Variants in RHBDL3 observed in about 807,000 individuals in gnomAD.
RHBDL3 encodes rhomboid-related protein 3.
In RHBDL3, 28 loss-of-function variants were observed where a neutral mutation model predicts 48.2. The observed-to-expected ratio is 0.58, with a 90% CI of 0.43 to 0.80. RHBDL3 has a LOEUF of 0.80. Among genes scored for constraint, RHBDL3 ranks in the 30% least tolerant of loss-of-function variants. RHBDL3 has a pLI of 0.00. For missense variants in RHBDL3, 464 were observed against 542.7 expected, an observed-to-expected ratio of 0.85 and a Z score of 1.44; for synonymous variants, 208 against 232.3, an observed-to-expected ratio of 0.90 and a Z score of 0.95.
Position 32,288,948 on chromosome 17 carries a change from A to T in RHBDL3, c.451A>T (p.Lys151Ter), listed in dbSNP as rs545383274. ...GACCCTGCCCCGGGAAATTGACCGC[A>T]AGTGGTACTATGACAGCTACACCTG... ...YETLPREIDRKWYYDSYTCCP... is the reference protein window; with the variant it reads ...YETLPREIDR Residue 151 changes from lysine (K) to a stop codon, truncating the protein, a stop_gained, in exon 4 of 9, where the codon AAG becomes TAG. Coordinates refer to ENST00000269051, the MANE Select transcript of RHBDL3 (RefSeq NM_138328.3). LOFTEE classifies it high-confidence loss of function. 6.2e-7 allele frequency: 1 copy of T among 1,614,202 alleles called. No homozygotes were observed. The highest frequency in any genetic ancestry group is 2.2e-5 in the East Asian group (1 of 44,874).
At chr17:32,283,965 C>G (rs4794912) in intron 2 of RHBDL3, among the ~76,000 whole-genome samples, 11,134 of 152,182 alleles carry the variant, frequency 0.073, 472 homozygotes, top group African/African-American at 0.11. Context: ...TCCAGGGAGA[C>G]GGAGGAAGAA....
chr17:32,271,553 G>A (rs2039775898), intron 2 of RHBDL3, among the ~76,000 whole-genome samples: 1 of 152,212 alleles, frequency 6.6e-6, no homozygotes, highest in Admixed American at 6.5e-5. Flanking sequence ...GCGGGGCAGT[G>A]ACAGATATGG....
intron 7 of RHBDL3, among the ~76,000 whole-genome samples, chr17:32,311,390 C>T (rs987301478): frequency 3.3e-5 from 5 of 152,074 alleles, no homozygotes; most frequent in African/African-American, 1.2e-4. Context: ...TCTAGTTTAA[C>T]CCCTCGGCTG....
At position 32,321,274 on chromosome 17, in the gene RHBDL3, C is replaced by G; in HGVS notation, c.*45C>G. ...GGGGAGGGGAGGGAAAAGCAGCACC[C>G]ACAGGGAGCGCCTGCGAGGTTTCTT... On this transcript the variant is annotated 3_prime_UTR_variant, in exon 9 of 9. Transcript: ENST00000269051. 6.2e-7 allele frequency: 1 copy of G among 1,612,758 alleles called. No homozygotes were observed. Among genetic ancestry groups the G allele is most frequent in the Non-Finnish European group, 8.5e-7 (1 of 1,179,812 alleles).
chr17:32,284,797 T>C lies in RHBDL3; in HGVS notation c.274T>C (p.Tyr92His), dbSNP rs2040155096. The stretch of plus-strand genomic sequence containing the variant: ...CAGCCACGCGGATGGGCAGATCGGC[T>C]ACCAGGATTTTGTCAGCCTAGTGAG... ...ADSHADGQIG[Y>H]QDFVSLMSNK... Residue 92 changes from tyrosine (Y) to histidine (H), a missense_variant, in exon 3 of 9, where the codon TAC becomes CAC. Coordinates refer to ENST00000269051, the MANE Select transcript of RHBDL3 (RefSeq NM_138328.3). 1 of 1,613,800 alleles carries C rather than the reference T, an allele frequency of 6.2e-7. No individual in the cohort carries two copies. The highest frequency in any genetic ancestry group is 1.3e-5 in the African/African-American group (1 of 74,934).
rs567245007 is a variant in RHBDL3 at position 32,284,253 on chromosome 17, C to A, written c.136-406C>A. 230 of 160,810 alleles carry A rather than the reference C, an allele frequency of 1.4e-3. 1 individual carries two copies. Among genetic ancestry groups the A allele is most frequent in the African/African-American group, 5.2e-3 (219 of 41,760 alleles). The allele number at this position is 160,810 out of a possible 1,614,324, so 10.0% of individuals were successfully genotyped here. A position where few individuals can be genotyped will look rare whatever the true frequency, so the allele number is the denominator to read the frequency against. On this transcript the variant is annotated intron_variant, in intron 2 of 8. Coordinates refer to ENST00000269051, the MANE Select transcript of RHBDL3 (RefSeq NM_138328.3). ...CTCTGGCATCCCCCCTGGGGTCCCT[C>A]TGGCCCAGTCCCCTTTCCCTTTGCC... is the stretch of plus-strand genomic sequence containing the variant.
At chr17:32,298,828 T>C (rs759398271) in intron 6 of RHBDL3, among the ~76,000 whole-genome samples, 8 of 152,212 alleles carry the variant, frequency 5.3e-5, no homozygotes, top group Non-Finnish European at 1.2e-4. Flanking sequence ...CATCTGGGCC[T>C]CCAGCTGAGT....
intron 7 of RHBDL3, among the ~76,000 whole-genome samples, chr17:32,309,836 A>G (rs182764494): frequency 1 from 145,704 of 145,706 alleles, 72,851 homozygotes; most frequent in Middle Eastern, 1. Flanking sequence ...CTGGAGTGCA[A>G]TGGGGTGATC....
chr17:32,294,813 G>A (rs973138735), intron 5 of RHBDL3, among the ~76,000 whole-genome samples: 4 of 152,130 alleles, frequency 2.6e-5, no homozygotes, highest in African/African-American at 9.7e-5. Context: ...CAGATTTATT[G>A]TCCATAACTG....
chr17:32,309,634 A>G (rs1432943662), intron 7 of RHBDL3, among the ~76,000 whole-genome samples: 1 of 152,158 alleles, frequency 6.6e-6, no homozygotes, highest in Non-Finnish European at 1.5e-5. Flanking sequence ...CTATGAGTCT[A>G]TTACTCAACT....
intron 7 of RHBDL3, among the ~76,000 whole-genome samples, chr17:32,312,052 A>C (rs142854210): frequency 6.6e-6 from 1 of 152,218 alleles, no homozygotes; most frequent in Non-Finnish European, 1.5e-5. Context: ...GAGACCTCAG[A>C]TAAAGGAGAG....
chr17:32,267,092 C>G (rs1315773485), intron 1 of RHBDL3, among the ~76,000 whole-genome samples: 1 of 152,184 alleles, frequency 6.6e-6, no homozygotes, highest in Non-Finnish European at 1.5e-5. Context: ...CGGGCAGACA[C>G]CCTGCCCTGC....
rs1368647615 is a variant in RHBDL3 at position 32,324,315 on chromosome 17, T to C, written c.*3086T>C. ...TCTCGATTTCCATGAGAACCATTCT[T>C]GCCCAGAGGATTAGGGGAGCTGTTG... is the stretch of plus-strand genomic sequence containing the variant. On this transcript the variant is annotated 3_prime_UTR_variant, in exon 9 of 9. Coordinates refer to ENST00000269051, the MANE Select transcript of RHBDL3 (RefSeq NM_138328.3). 1.3e-5 allele frequency: 2 copies of C among 152,688 alleles called. No homozygotes were observed. The highest frequency in any genetic ancestry group is 2.9e-5 in the Non-Finnish European group (2 of 68,060). The allele number at this position is 152,688 out of a possible 1,614,324, so 9.5% of individuals were successfully genotyped here.
chr17:32,278,624 T>C (rs2039969566), intron 2 of RHBDL3, among the ~76,000 whole-genome samples: 1 of 152,206 alleles, frequency 6.6e-6, no homozygotes, highest in Non-Finnish European at 1.5e-5. Context: ...GTGCAGGCTC[T>C]CGCCCCTCTG....
intron 8 of RHBDL3, among the ~76,000 whole-genome samples, chr17:32,318,363 GC>G (rs1331884026): frequency 5.4e-5 from 8 of 147,552 alleles, no homozygotes; most frequent in Middle Eastern, 3.8e-3. Flanking sequence ...AAGGCCAGGC[GC>G]AGTGGCTCAC....
chr17:32,268,021 G>A, intron 2 of RHBDL3, 96 bp downstream of exon 2: 1 of 935,262 alleles, frequency 1.1e-6, no homozygotes, highest in Non-Finnish European at 1.8e-6. Flanking sequence ...CCGCGCTCCT[G>A]AGATGGTGAC....
chr17:32,317,849 TAAGACCA>T (rs1468907892), intron 8 of RHBDL3, among the ~76,000 whole-genome samples: 1 of 152,068 alleles, frequency 6.6e-6, no homozygotes, highest in Non-Finnish European at 1.5e-5. Flanking sequence ...ACAAGGGGGA[TAAGACCA>T]AAGACCAAAG....
intron 2 of RHBDL3, among the ~76,000 whole-genome samples, chr17:32,282,789 A>C (rs1305275168): frequency 2.6e-5 from 4 of 151,914 alleles, no homozygotes; most frequent in Non-Finnish European, 5.9e-5. Context: ...CGCCCGGCTA[A>C]TTTTTTGTAT....
At position 32,305,428 on chromosome 17, in the gene RHBDL3, C is replaced by A. The variant is rs776345799; in HGVS notation, c.869C>A (p.Ala290Asp). 3.7e-6 allele frequency: 6 copies of A among 1,609,164 alleles called. No homozygotes were observed. The highest frequency in any genetic ancestry group is 5.1e-6 in the Non-Finnish European group (6 of 1,175,642). Residue 290 changes from alanine to aspartate, a missense_variant, in exon 7 of 9, where the codon GCC (alanine) becomes GAC (aspartate). Physicochemically the swap from Ala to Asp is moderately radical, Grantham distance 126. Transcript: ENST00000269051. ...TATGCTCTCGTCTCTGCCCATCTGGCCAACATTGTCATGGTGAGCACCTCC... is the reference window on the plus strand; with the variant it reads ...TATGCTCTCGTCTCTGCCCATCTGGACAACATTGTCATGGTGAGCACCTCC... ...GVYALVSAHLANIVMNWSGMK... is the reference protein window; with the variant it reads ...GVYALVSAHLDNIVMNWSGMK...
Sources: allele counts gnomAD v4.1 joint callset (sites outside exome capture counted in the v4.1 genomes callset), GRCh38; gene constraint gnomAD v4.1.1; transcripts MANE v1.5; gene names NCBI Gene and HGNC (gene_info 2026-07-23, HGNC 2026-07-21).